The following EGLN3 variants were observed in gnomAD, a reference collection of about 807,000 sequenced individuals.
EGLN3 encodes prolyl hydroxylase EGLN3.
In EGLN3, 15 loss-of-function variants were observed where a neutral mutation model predicts 26.0. That is an observed-to-expected ratio of 0.58 (90% CI 0.39 to 0.89). EGLN3 has a LOEUF of 0.89. Among genes scored for constraint, EGLN3 ranks in the 40% least tolerant of loss-of-function variants. The probability of loss-of-function intolerance (pLI) is 0.00; values close to 1 mark genes in which losing one functional copy is unlikely to be tolerated. For missense variants in EGLN3, 238 were observed against 311.6 expected (o/e 0.76, Z 1.78); for synonymous variants, 147 against 127.2 (o/e 1.16, Z -1.05).
At chr14:33,942,237 T>C (rs1259155967) in intron 1 of EGLN3, among the ~76,000 whole-genome samples, 2 of 151,924 alleles carry the variant, frequency 1.3e-5, no homozygotes, top group African/African-American at 4.8e-5. Context: ...CAAGGATTTT[T>C]CTACTAAGAA....
chr14:33,950,774 CGG>C lies in EGLN3; in HGVS notation c.-24_-23del. On this transcript the variant is annotated 5_prime_UTR_variant, in exon 1 of 5. Coordinates refer to ENST00000250457, the MANE Select transcript of EGLN3 (RefSeq NM_022073.4). ...GCATCTCGCCCGCAGAATCGAGGTC[CGG>C]GATCCCCAGCGTGCAACCAGAGAGG... The C allele has an allele frequency of 8.9e-6, 14 of 1,581,178 alleles. No individual in the cohort carries two copies. Among genetic ancestry groups the C allele is most frequent in the African/African-American group, 6.7e-5 (5 of 74,390 alleles).
At chr14:33,926,066 T>C (rs953821550) in intron 4 of EGLN3, 144 bp from the exon 5 acceptor site, 5 of 775,762 alleles carry the variant, frequency 6.4e-6, no homozygotes, top group Admixed American at 2.8e-5. Context: ...AAGGATTCTC[T>C]CTTGACTTTG....
rs946001822 is a variant in EGLN3 at position 33,950,593 on chromosome 14, C to T, written c.160G>A (p.Gly54Arg). ...GCCAGCTGGCCGTCCCGCAGGGCCCCGGTGCAGTGCAGCTGCTTGACGCGC... is the reference window on the plus strand; with the variant it reads ...GCCAGCTGGCCGTCCCGCAGGGCCCTGGTGCAGTGCAGCTGCTTGACGCGC... Reference protein sequence around the residue: ...LERVKQLHCTGALRDGQLAGP... With the variant: ...LERVKQLHCTRALRDGQLAGP... Residue 54 changes from glycine to arginine, a missense_variant, in exon 1 of 5, where the codon GGG becomes AGG. Transcript: ENST00000250457. The T allele has an allele frequency of 6.2e-7, 1 of 1,613,222 alleles. No homozygotes were observed. The highest frequency in any genetic ancestry group is 1.3e-5 in the African/African-American group (1 of 74,916).
In EGLN3 at chr14:33,924,815, A is replaced by T. The variant is rs2138806109; in HGVS notation, c.*1076T>A. The T allele has an allele frequency of 6.6e-6, 1 of 152,208 alleles. No individual in the cohort carries two copies. The allele number at this position is 152,208 out of a possible 1,614,324, so 9.4% of individuals were successfully genotyped here. A position where few individuals can be genotyped will look rare whatever the true frequency, so the allele number is the denominator to read the frequency against. On this transcript the variant is annotated 3_prime_UTR_variant, in exon 5 of 5. Transcript: ENST00000250457. ...GGATCTAGAGAGCCAAGTGAGCTGAAGAAAGACTGCTAGGGACAGACGAGA... is the reference window on the plus strand; with the variant it reads ...GGATCTAGAGAGCCAAGTGAGCTGATGAAAGACTGCTAGGGACAGACGAGA...
intron 1 of EGLN3, among the ~76,000 whole-genome samples, chr14:33,943,150 G>A (rs553210846): frequency 6.6e-6 from 1 of 152,242 alleles, no homozygotes; most frequent in South Asian, 2.1e-4. Context: ...CGAGAGAAAG[G>A]GGGTACAAAT....
intron 1 of EGLN3, among the ~76,000 whole-genome samples, chr14:33,947,842 G>C (rs1594386337): frequency 6.6e-6 from 1 of 152,242 alleles, no homozygotes; most frequent in African/African-American, 2.4e-5. Flanking sequence ...ATGAGGTCAA[G>C]AGATCGAGAC....
intron 1 of EGLN3, among the ~76,000 whole-genome samples, chr14:33,932,409 C>T (rs780807023): frequency 2.0e-5 from 3 of 152,094 alleles, no homozygotes; most frequent in East Asian, 3.9e-4. Context: ...TAAATGGCAG[C>T]GTTGCTTCAT....
intron 1 of EGLN3, among the ~76,000 whole-genome samples, chr14:33,936,674 G>A (rs12436949): frequency 0.59 from 89,060 of 151,020 alleles, 26,518 homozygotes; most frequent in South Asian, 0.75. Context: ...AGCAGCTCTA[G>A]ATCTGAAATT....
intron 1 of EGLN3, among the ~76,000 whole-genome samples, chr14:33,939,207 T>A (rs1006927252): frequency 9.3e-6 from 1 of 107,326 alleles, no homozygotes; most frequent in African/African-American, 3.5e-5. Flanking sequence ...GAAACAATCA[T>A]CTTTTTTTTT....
intron 1 of EGLN3, among the ~76,000 whole-genome samples, chr14:33,938,030 T>A (rs1367048652): frequency 6.6e-6 from 1 of 152,180 alleles, no homozygotes; most frequent in East Asian, 1.9e-4. Flanking sequence ...CGTGGAAGCA[T>A]CCATCTAGTT....
chr14:33,941,309 G>A (rs1383708480), intron 1 of EGLN3, among the ~76,000 whole-genome samples: 5 of 152,046 alleles, frequency 3.3e-5, no homozygotes, highest in African/African-American at 7.2e-5. Flanking sequence ...CCTAAGCCTC[G>A]TGGCCCTGGC....
intron 1 of EGLN3, among the ~76,000 whole-genome samples, chr14:33,946,376 CAATA>C (rs58751029): frequency 1.3e-5 from 2 of 151,194 alleles, no homozygotes; most frequent in African/African-American, 2.4e-5. Flanking sequence ...AACTCTGTCT[CAATA>C]AATAAATAAA....
chr14:33,947,601 T>C (rs1366524277), intron 1 of EGLN3, among the ~76,000 whole-genome samples: 8 of 152,162 alleles, frequency 5.3e-5, no homozygotes, highest in Non-Finnish European at 1.0e-4. Context: ...GGTAAGTGCA[T>C]GAATAAGCAT....
At chr14:33,929,982 G>A (rs1384351319) in intron 2 of EGLN3, among the ~76,000 whole-genome samples, 1 of 152,056 alleles carries the variant, frequency 6.6e-6, no homozygotes, top group Non-Finnish European at 1.5e-5. Flanking sequence ...TCTTTTTACT[G>A]AACTCTCAGA....
rs946001822 is a variant in EGLN3 at position 33,950,593 on chromosome 14, C to A, written c.160G>T (p.Gly54Trp). Residue 54 changes from glycine to tryptophan, a missense_variant, in exon 1 of 5, where the codon GGG becomes TGG. Transcript: ENST00000250457. ...LERVKQLHCTGALRDGQLAGP... is the reference protein window; with the variant it reads ...LERVKQLHCTWALRDGQLAGP... Reference sequence around the variant, plus strand: ...GCCAGCTGGCCGTCCCGCAGGGCCCCGGTGCAGTGCAGCTGCTTGACGCGC... The same window carrying A: ...GCCAGCTGGCCGTCCCGCAGGGCCCAGGTGCAGTGCAGCTGCTTGACGCGC... 1.2e-6 allele frequency: 2 copies of A among 1,613,340 alleles called. No individual in the cohort carries two copies. The highest frequency in any genetic ancestry group is 1.7e-6 in the Non-Finnish European group (2 of 1,179,782).
chr14:33,930,926 A>T (rs2064398485), intron 2 of EGLN3, among the ~76,000 whole-genome samples, 170 bp downstream of exon 2: 1 of 152,206 alleles, frequency 6.6e-6, no homozygotes, highest in Non-Finnish European at 1.5e-5. Context: ...TCTTCTTAAC[A>T]ACTTTAGGAC....
Position 33,931,296 on chromosome 14 carries a change from C to T in EGLN3, c.358-81G>A, listed in dbSNP as rs2064401871. On this transcript the variant is annotated intron_variant, in intron 1 of 4. Coordinates refer to ENST00000250457, the MANE Select transcript of EGLN3 (RefSeq NM_022073.4). ...CTCCCACTGGTGAGCAGATAAGTAACACAGTCTCCTTGGGTGTTACGTGAC... is the reference window on the plus strand; with the variant it reads ...CTCCCACTGGTGAGCAGATAAGTAATACAGTCTCCTTGGGTGTTACGTGAC... The T allele has an allele frequency of 2.5e-6, 4 of 1,592,088 alleles. No homozygotes were observed. In the Admixed American group the frequency reaches 5.1e-5, roughly 20 times the overall value.
intron 1 of EGLN3, among the ~76,000 whole-genome samples, chr14:33,938,020 C>T (rs1006237283): frequency 1.3e-5 from 2 of 152,146 alleles, no homozygotes; most frequent in Non-Finnish European, 2.9e-5. Flanking sequence ...CTACCCAGAG[C>T]GTGGAAGCAT....
chr14:33,950,097 C>T (rs181611381), intron 1 of EGLN3: 7 of 589,592 alleles, frequency 1.2e-5, no homozygotes, highest in African/African-American at 9.3e-5. Flanking sequence ...CTTTGAGAAC[C>T]TCGTCTTAAA....
Sources: gnomAD v4.1 joint callset for allele counts (sites outside exome capture counted in the v4.1 genomes callset) on GRCh38, gnomAD v4.1.1 for gene constraint, MANE v1.5 for transcripts, NCBI Gene and HGNC (gene_info 2026-07-23, HGNC 2026-07-21) for gene names.